The following NCALD variants were observed in gnomAD, a reference collection of about 807,000 sequenced individuals.
NCALD encodes neurocalcin delta.
A neutral mutation model predicts 18.6 loss-of-function variants in NCALD; 10 were observed. The ratio of observed to expected loss-of-function variants is 0.54; its 90% CI spans 0.33 to 0.91. The LOEUF is 0.91. Ranked by LOEUF, NCALD falls within the 40% of genes least tolerant of loss-of-function variation. NCALD has a pLI of 0.03. For missense variants in NCALD, 184 were observed against 247.6 expected (o/e 0.74, Z 1.72); for synonymous variants, 88 against 87.4 (o/e 1.01, Z -0.04).
chr8:101,843,589 T>C (rs868806872), intron 4 of NCALD, among the ~76,000 whole-genome samples: 2 of 149,318 alleles, frequency 1.3e-5, no homozygotes, highest in Non-Finnish European at 3.0e-5. Flanking sequence ...ATTGTTTTTT[T>C]TTTTTTTGAG....
intron 1 of NCALD, among the ~76,000 whole-genome samples, chr8:102,025,348 T>C (rs1756590944): frequency 6.6e-6 from 1 of 152,212 alleles, no homozygotes; most frequent in South Asian, 2.1e-4. Context: ...CTTCATTGCA[T>C]TTATCACAAC....
At chr8:101,870,232 T>C (rs1027625544) in intron 4 of NCALD, among the ~76,000 whole-genome samples, 1 of 152,156 alleles carries the variant, frequency 6.6e-6, no homozygotes, top group Admixed American at 6.5e-5. Context: ...AGTCTAGATA[T>C]AAAGAAAAAT....
At chr8:101,859,964 A>C (rs948805298) in intron 4 of NCALD, among the ~76,000 whole-genome samples, 3 of 152,198 alleles carry the variant, frequency 2.0e-5, no homozygotes, top group African/African-American at 7.2e-5. Context: ...AGAGATAAAG[A>C]GTAGATTCAA....
chr8:102,119,752 C>T (rs1398390673), intron 1 of NCALD, among the ~76,000 whole-genome samples: 3 of 152,190 alleles, frequency 2.0e-5, no homozygotes, highest in African/African-American at 7.2e-5. Flanking sequence ...TAGTCAATCC[C>T]TTCCCTAATT....
intron 1 of NCALD, among the ~76,000 whole-genome samples, chr8:101,761,685 T>C (rs2186392): frequency 0.61 from 93,004 of 152,078 alleles, 31,321 homozygotes; most frequent in Non-Finnish European, 0.75. Flanking sequence ...GACTTATTTG[T>C]TTCCCAGTAT....
intron 4 of NCALD, among the ~76,000 whole-genome samples, chr8:101,801,778 T>A (rs1471533775): frequency 6.8e-6 from 1 of 146,540 alleles, no homozygotes; most frequent in African/African-American, 2.5e-5. Flanking sequence ...GCCATTCTCC[T>A]GCCTCAGCCT....
chr8:101,930,424 C>CA (rs1350837410), intron 2 of NCALD, among the ~76,000 whole-genome samples: 2 of 151,974 alleles, frequency 1.3e-5, no homozygotes, highest in Non-Finnish European at 2.9e-5. Context: ...CAATCATAGG[C>CA]AAAATCTCTT....
At chr8:102,025,633 G>A (rs1360571898) in intron 1 of NCALD, among the ~76,000 whole-genome samples, 2 of 152,190 alleles carry the variant, frequency 1.3e-5, no homozygotes, top group African/African-American at 4.8e-5. Context: ...TTAAATTGGA[G>A]CACCCATGAT....
At chr8:101,846,860 T>G (rs550212194) in intron 4 of NCALD, among the ~76,000 whole-genome samples, 2 of 152,154 alleles carry the variant, frequency 1.3e-5, no homozygotes, top group Non-Finnish European at 2.9e-5. Flanking sequence ...TGAGAACCAC[T>G]CTTCCAGGTA....
chr8:101,818,311 CA>C (rs1813582599), intron 4 of NCALD, among the ~76,000 whole-genome samples: 1 of 152,100 alleles, frequency 6.6e-6, no homozygotes, highest in Non-Finnish European at 1.5e-5. Flanking sequence ...TTGCAATTGG[CA>C]CTGCACTGAG....
At chr8:102,038,426 A>G (rs994167884) in intron 1 of NCALD, among the ~76,000 whole-genome samples, 4 of 152,166 alleles carry the variant, frequency 2.6e-5, no homozygotes, top group African/African-American at 7.2e-5. Flanking sequence ...GTCTATGAGA[A>G]ACACAGCGAA....
upstream of NCALD, among the ~76,000 whole-genome samples, chr8:101,792,505 T>C (rs1812483424): frequency 6.6e-6 from 1 of 152,208 alleles, no homozygotes; most frequent in South Asian, 2.1e-4. Flanking sequence ...TTTCCTCCTT[T>C]AATTTCAGAT....
intron 2 of NCALD, among the ~76,000 whole-genome samples, chr8:101,956,146 T>C (rs561089647): frequency 3.3e-5 from 5 of 152,328 alleles, no homozygotes; most frequent in African/African-American, 1.2e-4. Context: ...ATGATTGATA[T>C]AATGAATAAA....
intron 1 of NCALD, among the ~76,000 whole-genome samples, chr8:101,744,444 A>G (rs752226128): frequency 6.6e-6 from 1 of 152,262 alleles, no homozygotes; most frequent in African/African-American, 2.4e-5. Context: ...ATAGTCAAAG[A>G]AACAGTTCCA....
chr8:101,940,456 C>T (rs1818914015), intron 2 of NCALD, among the ~76,000 whole-genome samples: 1 of 152,134 alleles, frequency 6.6e-6, no homozygotes, highest in South Asian at 2.1e-4. Context: ...TCAACATGTC[C>T]CCATCAACTG....
chr8:101,901,360 T>C (rs1817414681), intron 3 of NCALD, among the ~76,000 whole-genome samples: 1 of 152,148 alleles, frequency 6.6e-6, no homozygotes, highest in Non-Finnish European at 1.5e-5. Flanking sequence ...TTGTAGTCAA[T>C]GTAATTGTTG....
At chr8:101,848,351 A>T (rs952946256) in intron 4 of NCALD, among the ~76,000 whole-genome samples, 1 of 152,170 alleles carries the variant, frequency 6.6e-6, no homozygotes, top group Non-Finnish European at 1.5e-5. Flanking sequence ...AAATAATTTT[A>T]GAATGAGGAA....
chr8:101,956,874 T>C (rs546942067), intron 2 of NCALD, among the ~76,000 whole-genome samples: 1 of 152,324 alleles, frequency 6.6e-6, no homozygotes, highest in Non-Finnish European at 1.5e-5. Flanking sequence ...TTCACTTTCA[T>C]TCTCAAAATG....
At chr8:101,733,992 C>T (rs1356994203) in intron 1 of NCALD, among the ~76,000 whole-genome samples, 4 of 152,186 alleles carry the variant, frequency 2.6e-5, no homozygotes, top group Non-Finnish European at 4.4e-5. Context: ...ATCCCACGAG[C>T]CCCGCTTGAG....
Sources: gnomAD v4.1 joint callset for allele counts (sites outside exome capture counted in the v4.1 genomes callset) on GRCh38, gnomAD v4.1.1 for gene constraint, MANE v1.5 for transcripts, NCBI Gene and HGNC (gene_info 2026-07-23, HGNC 2026-07-21) for gene names.